RAB43: variants seen among roughly 807,000 people sequenced by gnomAD.
The protein encoded by RAB43 is RAB43, member RAS oncogene family.
RAB43 carries 6 observed loss-of-function variants against 18.8 expected under a neutral mutation model. The ratio of observed to expected loss-of-function variants is 0.32; its 90% CI spans 0.17 to 0.63. The LOEUF is 0.63. Among genes scored for constraint, RAB43 ranks in the 30% least tolerant of loss-of-function variants. The pLI, the probability that RAB43 is intolerant of heterozygous loss-of-function variation, is 0.79. For missense variants in RAB43, 195 were observed against 289.1 expected (o/e 0.67, Z 2.36); for synonymous variants, 103 against 124.1 (o/e 0.83, Z 1.13).
chr3:129,094,684 T>A lies in RAB43; in HGVS notation c.388+302A>T, dbSNP rs541603539. Among the ~76,000 whole-genome samples, 4 of 151,584 alleles carry A rather than the reference T, an allele frequency of 2.6e-5. No homozygotes were observed. In the East Asian group the frequency reaches 7.8e-4, roughly 29 times the overall value. On this transcript the variant is annotated intron_variant, in intron 2 of 2. Coordinates refer to ENST00000315150, the MANE Select transcript of RAB43 (RefSeq NM_198490.3). ...CGCCTGCCACCACAACCGGCTAATT[T>A]TTTTTTATTTTTTTAGTAGAGACGA... is the stretch of plus-strand genomic sequence containing the variant.
intron 1 of RAB43, among the ~76,000 whole-genome samples, chr3:129,116,495 G>A (rs1935536094): frequency 6.6e-6 from 1 of 152,234 alleles, no homozygotes; most frequent in Non-Finnish European, 1.5e-5. Context: ...GAACAGATGA[G>A]CAGAACTAGA....
intron 1 of RAB43, among the ~76,000 whole-genome samples, chr3:129,104,673 C>A (rs1334564678): frequency 6.6e-6 from 1 of 152,254 alleles, no homozygotes; most frequent in East Asian, 1.9e-4. Context: ...CTCAGTCCTG[C>A]CCATCGCTGC....
intron 1 of RAB43, among the ~76,000 whole-genome samples, chr3:129,120,540 T>C (rs201533446): frequency 6.6e-6 from 1 of 152,228 alleles, no homozygotes; most frequent in Admixed American, 6.5e-5. Context: ...ATTTCATTCA[T>C]CACAAATATT....
chr3:129,105,638 T>G (rs1226403000), intron 1 of RAB43, among the ~76,000 whole-genome samples: 2 of 148,750 alleles, frequency 1.3e-5, no homozygotes, highest in Non-Finnish European at 1.5e-5. Context: ...AAATTAGCCG[T>G]GCATGGTGGT....
rs757035749 is a variant in RAB43 at position 129,091,252 on chromosome 3, C to T, written c.483G>A (p.Thr161=). Residue 161 remains threonine (T), a synonymous_variant, in exon 3 of 3, where the codon ACG becomes ACA. Coordinates refer to ENST00000315150, the MANE Select transcript of RAB43 (RefSeq NM_198490.3). ...CCACGTTGCTCGAGTCCTTGGCAGA[C>T]GTCTCAATGGCACACAGGATGTCAT... ...EHYDILCAIE[T]SAKDSSNVEE... The T allele has an allele frequency of 2.5e-5, 40 of 1,591,660 alleles. No homozygotes were observed. The highest frequency in any genetic ancestry group is 6.8e-5 in the East Asian group (3 of 43,954).
At position 129,121,534 on chromosome 3, in the gene RAB43, G is replaced by A. The variant is rs940035179; in HGVS notation, c.-45C>T. On this transcript the variant is annotated 5_prime_UTR_variant, in exon 1 of 3. Transcript: ENST00000315150. ...GGCCGGCGCTCTGGACGCTGGGACC[G>A]GCCTGAGCTCACGCAAGCCGCGGGC... is the stretch of plus-strand genomic sequence containing the variant. 4.0e-6 allele frequency: 6 copies of A among 1,498,952 alleles called. No individual in the cohort carries two copies. Among genetic ancestry groups the A allele is most frequent in the Middle Eastern group, 3.5e-4 (2 of 5,764 alleles). The allele number at this position is 1,498,952 out of a possible 1,614,324, so 92.9% of individuals were successfully genotyped here.
intron 1 of RAB43, among the ~76,000 whole-genome samples, chr3:129,113,128 T>C (rs1000604764): frequency 3.3e-5 from 5 of 151,918 alleles, no homozygotes; most frequent in Admixed American, 6.6e-5. Flanking sequence ...AGCACTCATA[T>C]ACACGTTTGA....
chr3:129,112,279 T>C (rs1311844584), intron 1 of RAB43, among the ~76,000 whole-genome samples: 2 of 147,630 alleles, frequency 1.4e-5, no homozygotes, highest in Non-Finnish European at 3.0e-5. Flanking sequence ...AAAAAAAAAG[T>C]CAAGAATAAA....
intron 1 of RAB43, among the ~76,000 whole-genome samples, chr3:129,103,196 G>C (rs1934542714): frequency 6.6e-6 from 1 of 152,142 alleles, no homozygotes; most frequent in African/African-American, 2.4e-5. Flanking sequence ...AGGGACACTT[G>C]GGCTCCAAGT....
intron 1 of RAB43, among the ~76,000 whole-genome samples, chr3:129,115,372 T>C (rs1935454509): frequency 6.7e-6 from 1 of 149,912 alleles, no homozygotes; most frequent in African/African-American, 2.5e-5. Flanking sequence ...GGCACAGCGG[T>C]GCATGCCTGT....
intron 1 of RAB43, among the ~76,000 whole-genome samples, chr3:129,111,269 C>G (rs551133035): frequency 6.6e-6 from 1 of 152,046 alleles, no homozygotes; most frequent in Non-Finnish European, 1.5e-5. Flanking sequence ...AATCCCAACA[C>G]TTTGGGAGGC....
At chr3:129,116,270 T>C (rs957975252) in intron 1 of RAB43, among the ~76,000 whole-genome samples, 3 of 152,216 alleles carry the variant, frequency 2.0e-5, no homozygotes, top group African/African-American at 7.2e-5. Context: ...GCTGGCCCTC[T>C]TTCCACTATC....
intron 1 of RAB43, among the ~76,000 whole-genome samples, chr3:129,109,874 T>C (rs1040317730): frequency 3.3e-5 from 5 of 151,752 alleles, no homozygotes; most frequent in African/African-American, 9.7e-5. Flanking sequence ...TCTTTTCCTT[T>C]TTTTTTGTGA....
At chr3:129,119,177 C>A (rs932036211) in intron 1 of RAB43, among the ~76,000 whole-genome samples, 2 of 152,214 alleles carry the variant, frequency 1.3e-5, no homozygotes, top group East Asian at 3.9e-4. Flanking sequence ...AAAGACTACT[C>A]AGAGGCACTT....
intron 1 of RAB43, among the ~76,000 whole-genome samples, chr3:129,103,858 C>T (rs1036433203): frequency 6.6e-6 from 1 of 152,254 alleles, no homozygotes; most frequent in African/African-American, 2.4e-5. Context: ...AGCCACCGCA[C>T]CTGGCCAAGA....
Position 129,095,631 on chromosome 3 carries a change from T to C in RAB43, c.205-462A>G, listed in dbSNP as rs1933999489. Among the ~76,000 whole-genome samples, 2 of 152,166 alleles carry C rather than the reference T, an allele frequency of 1.3e-5. No homozygotes were observed. Among genetic ancestry groups the C allele is most frequent in the African/African-American group, 4.8e-5 (2 of 41,452 alleles). On this transcript the variant is annotated intron_variant, in intron 1 of 2. Transcript: ENST00000315150. The surrounding 1 kb of genome is among the most constrained non-coding windows in gnomAD (Gnocchi z 4.2). Reference sequence around the variant, plus strand: ...TGTGAGGCTCCTCCAGCATTAGGGTTCCCTCAGGACTCTACAGCTTGGTGA... The same window carrying C: ...TGTGAGGCTCCTCCAGCATTAGGGTCCCCTCAGGACTCTACAGCTTGGTGA...
chr3:129,102,814 C>T (rs911891848), intron 1 of RAB43, among the ~76,000 whole-genome samples: 9 of 152,118 alleles, frequency 5.9e-5, no homozygotes, highest in African/African-American at 2.2e-4. Context: ...CCAACCAAGC[C>T]AGCTGGCATT....
chr3:129,109,729 G>C (rs1253002581), intron 1 of RAB43, among the ~76,000 whole-genome samples: 1 of 151,284 alleles, frequency 6.6e-6, no homozygotes, highest in Non-Finnish European at 1.5e-5. Flanking sequence ...GCGACAGTGA[G>C]AGACTCCATC....
rs769580998 is a variant in RAB43, at chr3:129,121,436, C to T, written c.54G>A (p.Leu18=). Residue 18 remains leucine (L), a synonymous_variant, in exon 1 of 3, where the codon CTG becomes CTA. Transcript: ENST00000315150. ...CGTCGCCCACCAGCACCAGCTTGAA[C>T]AGGAAATCGTACTGCTCGTCCGGGT... ...PGDPDEQYDF[L]FKLVLVGDAS... The T allele has an allele frequency of 3.1e-6, 5 of 1,613,352 alleles. No homozygotes were observed. The highest frequency in any genetic ancestry group is 2.2e-5 in the South Asian group (2 of 90,972).
Sources: allele counts gnomAD v4.1 joint callset (sites outside exome capture counted in the v4.1 genomes callset), GRCh38; gene constraint gnomAD v4.1.1; non-coding constraint Gnocchi (gnomAD v3.1); transcripts MANE v1.5; gene names NCBI Gene and HGNC (gene_info 2026-07-23, HGNC 2026-07-21).